Variants in CPAMD8 observed in about 807,000 individuals in gnomAD.
The protein encoded by CPAMD8 is C3 and PZP like alpha-2-macroglobulin domain containing 8, also known as C3 and PZP-like alpha-2-macroglobulin domain-containing protein 8.
CPAMD8 carries 146 observed loss-of-function variants against 224.7 expected under a neutral mutation model. The observed-to-expected ratio is 0.65, with a 90% confidence interval of 0.57 to 0.75. CPAMD8 has a LOEUF of 0.75. Ranked by LOEUF, CPAMD8 falls within the 30% of genes least tolerant of loss-of-function variation. CPAMD8 has a pLI of 0.00. For missense variants in CPAMD8, 2,301 were observed against 2,537.5 expected, an observed-to-expected ratio of 0.91 and a Z score of 2.00; for synonymous variants, 966 against 1,044.6, an observed-to-expected ratio of 0.92 and a Z score of 1.45.
rs552118570 is a variant in CPAMD8 at position 16,922,075 on chromosome 19, C to A, written c.3548-89G>T. 1.8e-5 allele frequency: 15 copies of A among 821,580 alleles called. No individual in the cohort carries two copies. The African/African-American group carries it at 2.1e-4, about 11-fold the overall frequency. 50.9% of individuals were successfully genotyped at this position (821,580 alleles called of 1,614,324 possible). On this transcript the variant is annotated intron_variant, in intron 26 of 41. Coordinates refer to ENST00000443236, the MANE Select transcript of CPAMD8 (RefSeq NM_015692.5). ...ACCTACACCACTCTGCCGTCCCCTA[C>A]CCCGGATCTCCGAAGCCACACCACA...
chr19:17,001,554 T>C (rs58292675), intron 9 of CPAMD8, among the ~76,000 whole-genome samples: 36,315 of 150,024 alleles, frequency 0.24, 4,812 homozygotes, highest in African/African-American at 0.35. Context: ...GAGGAAGGAA[T>C]ACACAGCGGG....
chr19:16,977,680 A>G, intron 14 of CPAMD8, 140 bp from the exon 15 acceptor site: 2 of 613,030 alleles, frequency 3.3e-6, no homozygotes, highest in Non-Finnish European at 5.5e-6. Context: ...TGGTTTTGAG[A>G]TGCCCTTCCC....
Position 16,963,809 on chromosome 19 carries a change from C to T in CPAMD8, c.2214-5894G>A, listed in dbSNP as rs137865362. Among the ~76,000 whole-genome samples the T allele has an allele frequency of 3.5e-3, 537 of 152,260 alleles. 34 individuals are homozygous for T. In the East Asian group the frequency reaches 0.093, roughly 26 times the overall value. The stretch of plus-strand genomic sequence containing the variant: ...TAATTGGAAGTAAAGCACTCCTCAG[C>T]AAATGTAAAAGAACAGAAATCACAA... On this transcript the variant is annotated intron_variant, in intron 18 of 41. Transcript: ENST00000443236.
intron 13 of CPAMD8, among the ~76,000 whole-genome samples, chr19:16,989,164 C>T (rs1244194792): frequency 6.6e-6 from 1 of 152,132 alleles, no homozygotes; most frequent in East Asian, 1.9e-4. Flanking sequence ...GCAAAATAAA[C>T]ATAATGTCCT....
chr19:16,918,165 T>C (rs758905267), intron 27 of CPAMD8, among the ~76,000 whole-genome samples: 4 of 152,162 alleles, frequency 2.6e-5, no homozygotes, highest in Non-Finnish European at 4.4e-5. Flanking sequence ...CAGCTAATTT[T>C]AGTATTTTGA....
intron 35 of CPAMD8, 34 bp from the exon 36 acceptor site, chr19:16,901,331 A>G (rs1269971213): frequency 1.4e-6 from 2 of 1,421,004 alleles, no homozygotes; most frequent in African/African-American, 1.4e-5. Flanking sequence ...GAGGCCCTAG[A>G]GCTCAAGCCC....
chr19:16,942,187 C>G (rs1432652301), intron 22 of CPAMD8, among the ~76,000 whole-genome samples: 1 of 152,116 alleles, frequency 6.6e-6, no homozygotes, highest in Admixed American at 6.5e-5. Flanking sequence ...CATGGTCGGG[C>G]ACAGTGGCTC....
chr19:17,018,715 A>T (rs1025897952), intron 3 of CPAMD8, among the ~76,000 whole-genome samples: 1 of 108,062 alleles, frequency 9.3e-6, no homozygotes, highest in African/African-American at 5.4e-5. Flanking sequence ...CTCTACTAAA[A>T]ATACACACAC....
intron 22 of CPAMD8, among the ~76,000 whole-genome samples, chr19:16,940,846 A>G (rs2053864401): frequency 6.6e-6 from 1 of 152,216 alleles, no homozygotes. Context: ...AGGCCTCAGT[A>G]ACCCCCCATC....
intron 27 of CPAMD8, among the ~76,000 whole-genome samples, chr19:16,916,580 TA>T (rs1030548835): frequency 6.7e-6 from 1 of 149,990 alleles, no homozygotes; most frequent in South Asian, 2.1e-4. Flanking sequence ...CCACTAAAAA[TA>T]AAAAAAAATT....
chr19:16,919,119 C>T (rs2053072491), intron 27 of CPAMD8, among the ~76,000 whole-genome samples: 1 of 151,874 alleles, frequency 6.6e-6, no homozygotes, highest in South Asian at 2.1e-4. Context: ...AGGAGAATTG[C>T]TTGAACCCAG....
intron 14 of CPAMD8, 58 bp from the exon 15 acceptor site, chr19:16,977,598 C>T: frequency 7.4e-7 from 1 of 1,357,442 alleles, no homozygotes; most frequent in Non-Finnish European, 1.0e-6. Flanking sequence ...CATGCAACCT[C>T]AGCCATTCAG....
chr19:16,902,236 G>A (rs1319646894), intron 35 of CPAMD8, among the ~76,000 whole-genome samples: 1 of 152,110 alleles, frequency 6.6e-6, no homozygotes, highest in Non-Finnish European at 1.5e-5. Context: ...TCAAAAACTG[G>A]CTGGGCGAGG....
At chr19:16,903,079 G>C (rs1177803465) in intron 34 of CPAMD8, among the ~76,000 whole-genome samples, 1 of 152,092 alleles carries the variant, frequency 6.6e-6, no homozygotes, top group Non-Finnish European at 1.5e-5. Flanking sequence ...TGGATCTGGG[G>C]TGCAGAGCTG....
intron 8 of CPAMD8, chr19:17,002,608 G>A (rs1472979146): frequency 6.0e-6 from 2 of 336,014 alleles, no homozygotes; most frequent in South Asian, 5.1e-5. Context: ...TTAGAGTGTG[G>A]CGGATTCCAG....
At chr19:16,903,515 A>C in intron 34 of CPAMD8, 46 bp downstream of exon 34, 1 of 1,612,426 alleles carries the variant, frequency 6.2e-7, no homozygotes, top group East Asian at 2.2e-5. Flanking sequence ...GGAATGGGGC[A>C]CAGGAGGACA....
At chr19:16,928,800 G>C (rs563485768) in intron 24 of CPAMD8, 142 bp downstream of exon 24, 1 of 603,014 alleles carries the variant, frequency 1.7e-6, no homozygotes, top group East Asian at 2.9e-5. Flanking sequence ...AGCGACTCTA[G>C]ACTAAGAACA....
At chr19:17,016,945 G>A (rs954683911) in intron 3 of CPAMD8, among the ~76,000 whole-genome samples, 1 of 151,826 alleles carries the variant, frequency 6.6e-6, no homozygotes, top group Non-Finnish European at 1.5e-5. Flanking sequence ...CCTAGGGCAG[G>A]GACCCTCAAC....
At position 16,953,047 on chromosome 19, in the gene CPAMD8, G is replaced by T. The variant is rs188618346; in HGVS notation, c.2277-847C>A. 8.3e-4 allele frequency among the ~76,000 whole-genome samples: 127 copies of T among 152,176 alleles called. 1 individual carries two copies. In the Middle Eastern group the frequency reaches 0.014, roughly 16 times the overall value. ...ATACAGACCAATGGAATCAAATAGA[G>T]AGCCCAGGAATAAACCTTGACGACA... On this transcript the variant is annotated intron_variant, in intron 19 of 41. Coordinates refer to ENST00000443236, the MANE Select transcript of CPAMD8 (RefSeq NM_015692.5).
Sources: gnomAD v4.1 joint callset for allele counts (sites outside exome capture counted in the v4.1 genomes callset) on GRCh38, gnomAD v4.1.1 for gene constraint, MANE v1.5 for transcripts, NCBI Gene and HGNC (gene_info 2026-07-23, HGNC 2026-07-21) for gene names.